DACT3: variants seen among roughly 807,000 people sequenced by gnomAD.
DACT3 encodes dishevelled binding antagonist of beta catenin 3.
DACT3 carries 5 observed loss-of-function variants against 19.6 expected under a neutral mutation model. The observed-to-expected ratio is 0.26, with a 90% CI of 0.13 to 0.54. The LOEUF (loss-of-function observed/expected upper bound fraction) is 0.54. DACT3 is among the 20% of genes least tolerant of loss of function. DACT3 has a pLI of 0.95. For synonymous variants in DACT3, 454 were observed against 428.1 expected (o/e 1.06, Z -0.75); for missense variants, 908 against 927.4 (o/e 0.98, Z 0.27).
Position 46,660,794 on chromosome 19 carries a change from G to C in DACT3, c.249+22C>G. 1 of 1,464,640 alleles carries C rather than the reference G, an allele frequency of 6.8e-7. No individual in the cohort carries two copies. The highest frequency in any genetic ancestry group is 9.0e-7 in the Non-Finnish European group (1 of 1,113,092). 90.7% of individuals were successfully genotyped at this position (1,464,640 alleles called of 1,614,324 possible). A position where few individuals can be genotyped will look rare whatever the true frequency, so the allele number is the denominator to read the frequency against. On this transcript the variant is annotated intron_variant, in intron 1 of 3. Coordinates refer to ENST00000391916, the MANE Select transcript of DACT3 (RefSeq NM_145056.3). The surrounding 1 kb of genome is among the most constrained non-coding windows in gnomAD (Gnocchi z 4.9). ...CAGACACAGACGGGGGTGGAGGGAC[G>C]GACGGACAGGCAGCCCCTTACCAGC...
intron 1 of DACT3, among the ~76,000 whole-genome samples, chr19:46,656,560 G>A (rs964964580): frequency 6.6e-6 from 1 of 152,090 alleles, no homozygotes; most frequent in Admixed American, 6.6e-5. Flanking sequence ...GTGTTGCATA[G>A]GCTTGTCTCG....
At chr19:46,649,979 T>C (rs1173678240) in intron 3 of DACT3, 107 bp from the exon 4 acceptor site, 2 of 1,219,284 alleles carry the variant, frequency 1.6e-6, no homozygotes, top group Admixed American at 4.3e-5. Context: ...CCTCCCTCCC[T>C]TCCATCCTCA....
At chr19:46,650,632 A>G (rs1283933677) in intron 3 of DACT3, 1 of 151,864 alleles carries the variant, frequency 6.6e-6, no homozygotes, top group African/African-American at 2.4e-5. Flanking sequence ...TGCCCAGTCT[A>G]GTCTCCAGCT....
Position 46,661,144 on chromosome 19 carries a change from G to T in DACT3, c.-80C>A, listed in dbSNP as rs1185920087. Reference sequence around the variant, plus strand: ...TCCCACCTCCCCGCCCCAGCAGCCTGCCCGCCCGCCCGCTGGCCGGGCTGT... The same window carrying T: ...TCCCACCTCCCCGCCCCAGCAGCCTTCCCGCCCGCCCGCTGGCCGGGCTGT... On this transcript the variant is annotated 5_prime_UTR_variant, in exon 1 of 4. Transcript: ENST00000391916. 7.8e-7 allele frequency: 1 copy of T among 1,278,618 alleles called. No homozygotes were observed. Among genetic ancestry groups the T allele is most frequent in the Non-Finnish European group, 1.0e-6 (1 of 1,001,268 alleles). The allele number at this position is 1,278,618 out of a possible 1,614,324, so 79.2% of individuals were successfully genotyped here. A position where few individuals can be genotyped will look rare whatever the true frequency, so the allele number is the denominator to read the frequency against.
intron 3 of DACT3, chr19:46,650,681 G>C (rs1301785838): frequency 6.6e-6 from 1 of 152,158 alleles, no homozygotes. Flanking sequence ...GCCTCCTAAA[G>C]TGCTGGGATT....
At chr19:46,655,976 T>C (rs1268779279) in intron 1 of DACT3, among the ~76,000 whole-genome samples, 1 of 150,404 alleles carries the variant, frequency 6.6e-6, no homozygotes, top group African/African-American at 2.4e-5. Flanking sequence ...TATACACACA[T>C]ATATATACAC....
Position 46,649,664 on chromosome 19 carries a change from G to C in DACT3, c.708C>G (p.Pro236=). Residue 236 remains proline (P), a synonymous_variant, in exon 4 of 4, where the codon CCC becomes CCG. Coordinates refer to ENST00000391916, the MANE Select transcript of DACT3 (RefSeq NM_145056.3). The part of the protein sequence containing the change: ...MRSPRPCGRP[P]TDSPDAGGAG... ...CGCCCCCCGCGTCGGGCGAGTCGGT[G>C]GGAGGGCGGCCGCAGGGCCGCGGGC... 1 of 1,166,874 alleles carries C rather than the reference G, an allele frequency of 8.6e-7. No homozygotes were observed. Among genetic ancestry groups the C allele is most frequent in the Non-Finnish European group, 1.1e-6 (1 of 947,198 alleles). The allele number at this position is 1,166,874 out of a possible 1,614,324, so 72.3% of individuals were successfully genotyped here.
In DACT3 at chr19:46,660,532, T is replaced by G. The variant is rs2053067162; in HGVS notation, c.249+284A>C. 2.2e-6 allele frequency: 1 copy of G among 446,798 alleles called. No individual in the cohort carries two copies. Among genetic ancestry groups the G allele is most frequent in the African/African-American group, 2.1e-5 (1 of 48,378 alleles). 27.7% of individuals were successfully genotyped at this position (446,798 alleles called of 1,614,324 possible). ...ACCCGGTCTCGGGTTTGACACATAC[T>G]TGGCGCCCACAAGGATTTTCTTTGG... On this transcript the variant is annotated intron_variant, in intron 1 of 3. Coordinates refer to ENST00000391916, the MANE Select transcript of DACT3 (RefSeq NM_145056.3). The surrounding 1 kb of genome is among the most constrained non-coding windows in gnomAD (Gnocchi z 4.9).
At chr19:46,657,662 C>T (rs2053043195) in intron 1 of DACT3, among the ~76,000 whole-genome samples, 1 of 150,894 alleles carries the variant, frequency 6.6e-6, no homozygotes, top group South Asian at 2.1e-4. Flanking sequence ...CAATGAGTTT[C>T]TTTTGACACA....
intron 1 of DACT3, among the ~76,000 whole-genome samples, chr19:46,653,784 C>T (rs1430379493): frequency 6.6e-6 from 1 of 152,006 alleles, no homozygotes; most frequent in Non-Finnish European, 1.5e-5. Flanking sequence ...GAACTCCTGA[C>T]CTCAGGTGAT....
In DACT3 at chr19:46,648,773, TCCCAGGGGC is replaced by T. The variant is rs1031046597; in HGVS notation, c.1590_1598del (p.Pro531_Gly533del). The T allele has an allele frequency of 1.3e-6, 2 of 1,555,644 alleles. No homozygotes were observed. The highest frequency in any genetic ancestry group is 1.7e-6 in the Non-Finnish European group (2 of 1,157,790). ...CGACGCCTCCCGCAGGCCCCCGGCG[TCCCAGGGGC>T]CCCAGGCGCCCAGCCGAGCACTCGG... On this transcript the variant is annotated inframe_deletion, in exon 4 of 4. Coordinates refer to ENST00000391916, the MANE Select transcript of DACT3 (RefSeq NM_145056.3). The surrounding 1 kb of genome is among the most constrained non-coding windows in gnomAD (Gnocchi z 5.1).
chr19:46,654,807 C>T (rs958341206), intron 1 of DACT3: 1 of 985,628 alleles, frequency 1.0e-6, no homozygotes, highest in Non-Finnish European at 1.2e-6. Flanking sequence ...CTGGCCGGCT[C>T]CCCGGCAGCC....
At position 46,649,337 on chromosome 19, in the gene DACT3, G is replaced by C. The variant is rs2122437258; in HGVS notation, c.1035C>G (p.Pro345=). 1 of 1,244,868 alleles carries C rather than the reference G, an allele frequency of 8.0e-7. No homozygotes were observed. Among genetic ancestry groups the C allele is most frequent in the South Asian group, 2.3e-5 (1 of 42,932 alleles). 77.1% of individuals were successfully genotyped at this position (1,244,868 alleles called of 1,614,324 possible). A position where few individuals can be genotyped will look rare whatever the true frequency, so the allele number is the denominator to read the frequency against. ...EPAAPPAAPS[P]PDSPAEGRLV... ...AGCGGCCCTCAGCCGGGCTGTCGGG[G>C]GGTGAGGGGGCGGCGGGCGGCGCAG... The change falls in exon 4 of 4, where the codon CCC becomes CCG. Residue 345 remains proline, a synonymous_variant. Coordinates refer to ENST00000391916, the MANE Select transcript of DACT3 (RefSeq NM_145056.3).
At chr19:46,654,238 G>A (rs1285936682) in intron 1 of DACT3, 26 of 983,046 alleles carry the variant, frequency 2.6e-5, no homozygotes, top group South Asian at 4.7e-5. Context: ...TGTAATCCCA[G>A]CATTTTGGGA....
At chr19:46,658,002 AG>A (rs1270223198) in intron 1 of DACT3, among the ~76,000 whole-genome samples, 2 of 152,020 alleles carry the variant, frequency 1.3e-5, no homozygotes, top group Non-Finnish European at 2.9e-5. Context: ...CAGTGAGCCG[AG>A]AATCACTTGA....
intron 1 of DACT3, among the ~76,000 whole-genome samples, chr19:46,653,354 C>T (rs1355313523): frequency 6.6e-6 from 1 of 151,858 alleles, no homozygotes. Flanking sequence ...CATCTCTTGC[C>T]CTGTCTTTAT....
At chr19:46,659,745 G>A (rs1399751401) in intron 1 of DACT3, among the ~76,000 whole-genome samples, 1 of 151,950 alleles carries the variant, frequency 6.6e-6, no homozygotes, top group African/African-American at 2.4e-5. Context: ...GAAACGGGAA[G>A]CTCTGGCCAC....
intron 1 of DACT3, among the ~76,000 whole-genome samples, chr19:46,656,429 C>T (rs2053035005): frequency 6.6e-6 from 1 of 152,052 alleles, no homozygotes; most frequent in South Asian, 2.1e-4. Flanking sequence ...CTCACTGCAG[C>T]CTTCACCTCC....
Position 46,647,850 on chromosome 19 carries a change from T to C in DACT3, c.*632A>G, listed in dbSNP as rs878953193. On this transcript the variant is annotated 3_prime_UTR_variant, in exon 4 of 4. Coordinates refer to ENST00000391916, the MANE Select transcript of DACT3 (RefSeq NM_145056.3). Reference sequence around the variant, plus strand: ...TCTTCTACCTCCGAATCCTCCATAATTGTCCAGGGATCGAAGTGAAAGAGT... The same window carrying C: ...TCTTCTACCTCCGAATCCTCCATAACTGTCCAGGGATCGAAGTGAAAGAGT... 1 of 152,694 alleles carries C rather than the reference T, an allele frequency of 6.5e-6. No individual in the cohort carries two copies. Among genetic ancestry groups the C allele is most frequent in the African/African-American group, 2.4e-5 (1 of 41,412 alleles). The allele number at this position is 152,694 out of a possible 1,614,324, so 9.5% of individuals were successfully genotyped here.
Sources: allele counts gnomAD v4.1 joint callset (sites outside exome capture counted in the v4.1 genomes callset), GRCh38; gene constraint gnomAD v4.1.1; non-coding constraint Gnocchi (gnomAD v3.1); transcripts MANE v1.5; gene names NCBI Gene and HGNC (gene_info 2026-07-23, HGNC 2026-07-21).